Variants in ZNF625 observed in about 807,000 individuals in gnomAD.
ZNF625 encodes the protein zinc finger protein 625.
A neutral mutation model predicts 11.1 loss-of-function variants in ZNF625; 8 were observed. The ratio of observed to expected loss-of-function variants is 0.72; its 90% CI spans 0.42 to 1.30. The LOEUF (loss-of-function observed/expected upper bound fraction) is 1.30, where lower values mean the gene tolerates loss of function less well. ZNF625 is among the 50% of genes most tolerant of loss of function. ZNF625 has a pLI of 0.01. For missense variants in ZNF625, 349 were observed against 447.6 expected (o/e 0.78, Z 1.99); for synonymous variants, 145 against 153.4 (o/e 0.95, Z 0.41).
Position 12,152,881 on chromosome 19 carries a change from A to G in ZNF625, c.3+3675T>C, listed in dbSNP as rs537641129. On this transcript the variant is annotated intron_variant, in intron 1 of 3. Transcript: ENST00000439556. ...AACAACAACTCAATAAACTAATAAT[A>G]CAAAGTAACTTCCTTAACTTACTAT... 3.5e-4 allele frequency among the ~76,000 whole-genome samples: 54 copies of G among 152,154 alleles called. 1 individual carries two copies. The Middle Eastern group carries it at 0.01, about 29-fold the overall frequency.
In ZNF625 at chr19:12,147,591, C is replaced by T. The variant is rs905548794; in HGVS notation, c.130+85G>A. On this transcript the variant is annotated intron_variant, in intron 2 of 3. Coordinates refer to ENST00000439556, the MANE Select transcript of ZNF625 (RefSeq NM_145233.4). Reference sequence around the variant, plus strand: ...TTCCCTGTCCTCACTATTCCCTGTCCACACTCCAAATCACTCAACACTACT... The same window carrying T: ...TTCCCTGTCCTCACTATTCCCTGTCTACACTCCAAATCACTCAACACTACT... 5 of 1,597,422 alleles carry T rather than the reference C, an allele frequency of 3.1e-6. No homozygotes were observed. In the African/African-American group the frequency reaches 5.4e-5, roughly 17 times the overall value.
Position 12,146,231 on chromosome 19 carries a change from AC to A in ZNF625, c.192-8del. The A allele has an allele frequency of 6.2e-7, 1 of 1,610,212 alleles. No homozygotes were observed. Among genetic ancestry groups the A allele is most frequent in the Non-Finnish European group, 8.5e-7 (1 of 1,178,508 alleles). ...TCTCTCTCCCATAAGACCTCTGTGA[AC>A]AATGAGAAGTATATCATAATGGGTT... On this transcript the variant is annotated splice_region_variant and splice_polypyrimidine_tract_variant and intron_variant, in intron 3 of 3. Coordinates refer to ENST00000439556, the MANE Select transcript of ZNF625 (RefSeq NM_145233.4).
chr19:12,153,763 A>C (rs1430897242), intron 1 of ZNF625, among the ~76,000 whole-genome samples: 2 of 150,716 alleles, frequency 1.3e-5, no homozygotes, highest in Non-Finnish European at 3.0e-5. Flanking sequence ...AAACTGAGGC[A>C]GAAATACAAA....
chr19:12,155,738 G>A (rs929966430), intron 1 of ZNF625, among the ~76,000 whole-genome samples: 3 of 152,180 alleles, frequency 2.0e-5, no homozygotes, highest in African/African-American at 4.8e-5. Context: ...TGCAAGCCAT[G>A]ACTGGGTGTT....
At chr19:12,155,862 T>C (rs905366260) in intron 1 of ZNF625, among the ~76,000 whole-genome samples, 44 of 152,136 alleles carry the variant, frequency 2.9e-4, no homozygotes, top group Non-Finnish European at 5.9e-4. Context: ...TTTTGTTTTG[T>C]TTTGTTTGAG....
chr19:12,148,411 T>TG (rs1412149311), intron 1 of ZNF625, among the ~76,000 whole-genome samples: 3 of 152,156 alleles, frequency 2.0e-5, no homozygotes, highest in Admixed American at 2.0e-4. Context: ...GGAGGTTGAA[T>TG]GGCAACAAGA....
chr19:12,150,534 A>G (rs1432311743), intron 1 of ZNF625, among the ~76,000 whole-genome samples: 1 of 152,152 alleles, frequency 6.6e-6, no homozygotes, highest in Non-Finnish European at 1.5e-5. Flanking sequence ...TTTACCCTTG[A>G]ACTATAGGTT....
chr19:12,146,267 C>A (rs1032188688), intron 3 of ZNF625, 43 bp from the exon 4 acceptor site: 1 of 1,535,002 alleles, frequency 6.5e-7, no homozygotes. Flanking sequence ...TCCTTTATCA[C>A]TGATTTGATA....
At chr19:12,154,733 A>T (rs1977003579) in intron 1 of ZNF625, among the ~76,000 whole-genome samples, 2 of 152,152 alleles carry the variant, frequency 1.3e-5, no homozygotes. Context: ...CAACCTGTAA[A>T]CTAAAAATAA....
intron 1 of ZNF625, among the ~76,000 whole-genome samples, chr19:12,154,789 T>C (rs936426974): frequency 2.6e-5 from 4 of 152,270 alleles, no homozygotes; most frequent in African/African-American, 9.6e-5. Flanking sequence ...ACTGAGTGGC[T>C]CTTTACCAAG....
chr19:12,146,864 A>T (rs1976881989), intron 3 of ZNF625, among the ~76,000 whole-genome samples: 1 of 152,010 alleles, frequency 6.6e-6, no homozygotes, highest in Non-Finnish European at 1.5e-5. Context: ...GTAGCCTCAA[A>T]CTCTTCAGCT....
chr19:12,149,615 A>ATACTG (rs140383118), intron 1 of ZNF625, among the ~76,000 whole-genome samples: 2,221 of 152,312 alleles, frequency 0.015, 49 homozygotes, highest in African/African-American at 0.051. Flanking sequence ...AATTAATAAA[A>ATACTG]TACCAAGTAA....
In ZNF625 at chr19:12,156,650, G is replaced by A. The variant is rs1171108294; in HGVS notation, c.-92C>T. 2.9e-5 allele frequency: 35 copies of A among 1,188,514 alleles called. No individual in the cohort carries two copies. The highest frequency in any genetic ancestry group is 3.4e-5 in the Non-Finnish European group (32 of 942,442). 73.6% of individuals were successfully genotyped at this position (1,188,514 alleles called of 1,614,324 possible). On this transcript the variant is annotated 5_prime_UTR_variant, in exon 1 of 4. Transcript: ENST00000439556. ...GCGATGGAGCGACAGAAGCTATGGCGGAGGCACCTGGTCCCTCTCGGGGCC... is the reference window on the plus strand; with the variant it reads ...GCGATGGAGCGACAGAAGCTATGGCAGAGGCACCTGGTCCCTCTCGGGGCC...
At position 12,144,993 on chromosome 19, in the gene ZNF625, C is replaced by T. The variant is rs1976846639; in HGVS notation, c.*304G>A. ...CCTCCCAAAGTGCTGGGATTATAGG[C>T]ATGAGCCACTGCACCCGGCCAAACC... On this transcript the variant is annotated 3_prime_UTR_variant, in exon 4 of 4. Coordinates refer to ENST00000439556, the MANE Select transcript of ZNF625 (RefSeq NM_145233.4). The T allele has an allele frequency of 2.2e-5, 6 of 278,360 alleles. No individual in the cohort carries two copies. The South Asian group carries it at 4.0e-4, about 19-fold the overall frequency. 17.2% of individuals were successfully genotyped at this position (278,360 alleles called of 1,614,324 possible).
intron 1 of ZNF625, among the ~76,000 whole-genome samples, chr19:12,153,898 C>T (rs1976993102): frequency 6.8e-6 from 1 of 148,004 alleles, no homozygotes; most frequent in Non-Finnish European, 1.5e-5. Context: ...AGCTCTCCCT[C>T]CCGGGTTCAC....
At chr19:12,149,720 A>G (rs532919215) in intron 1 of ZNF625, among the ~76,000 whole-genome samples, 1 of 152,284 alleles carries the variant, frequency 6.6e-6, no homozygotes, top group African/African-American at 2.4e-5. Flanking sequence ...AGGGTTCAAC[A>G]TCAGGAATCA....
chr19:12,149,927 C>G (rs1371937082), intron 1 of ZNF625, among the ~76,000 whole-genome samples: 1 of 152,090 alleles, frequency 6.6e-6, no homozygotes, highest in Non-Finnish European at 1.5e-5. Context: ...TCAGTAGAGA[C>G]AGGGTTTCTC....
intron 1 of ZNF625, among the ~76,000 whole-genome samples, chr19:12,156,138 G>A (rs1307809151): frequency 6.6e-6 from 1 of 152,138 alleles, no homozygotes; most frequent in Non-Finnish European, 1.5e-5. Flanking sequence ...CACTGCGCCT[G>A]GCCTTCAATT....
chr19:12,147,442 T>G lies in ZNF625; in HGVS notation c.144A>C (p.Lys48Asn). ...RNLASVGKKW[K>N]DQKIEDEYKN... The stretch of plus-strand genomic sequence containing the variant: ...TGTACTCATCTTCAATTTTCTGATC[T>G]TTCCATTTTTTTCCTAAAATACAGA... The change falls in exon 3 of 4, where the codon AAA becomes AAC. Residue 48 changes from lysine (K) to asparagine (N), a missense_variant. By Grantham distance (94) the Lys-to-Asn change is moderately conservative (BLOSUM62 0). Transcript: ENST00000439556. The G allele has an allele frequency of 6.5e-7, 1 of 1,531,174 alleles. No homozygotes were observed. Among genetic ancestry groups the G allele is most frequent in the Non-Finnish European group, 8.7e-7 (1 of 1,144,328 alleles). The allele number at this position is 1,531,174 out of a possible 1,614,324, so 94.8% of individuals were successfully genotyped here. A position where few individuals can be genotyped will look rare whatever the true frequency, so the allele number is the denominator to read the frequency against.
Sources: allele counts gnomAD v4.1 joint callset (sites outside exome capture counted in the v4.1 genomes callset), GRCh38; gene constraint gnomAD v4.1.1; transcripts MANE v1.5; gene names NCBI Gene and HGNC (gene_info 2026-07-23, HGNC 2026-07-21).